The following COL21A1 variants were observed in gnomAD, a reference collection of about 807,000 sequenced individuals.
The protein encoded by COL21A1 is collagen type XXI alpha 1 chain.
A neutral mutation model predicts 137.9 loss-of-function variants in COL21A1; 149 were observed. The ratio of observed to expected loss-of-function variants is 1.08; its 90% CI spans 0.95 to 1.24. The LOEUF (loss-of-function observed/expected upper bound fraction) is 1.24. COL21A1 is among the 50% of genes most tolerant of loss of function. The probability of loss-of-function intolerance (pLI) is 0.00; values close to 1 mark genes in which losing one functional copy is unlikely to be tolerated. For missense variants in COL21A1, 1,167 were observed against 1,158.4 expected, an observed-to-expected ratio of 1.01 and a Z score of -0.11; for synonymous variants, 456 against 391.5, an observed-to-expected ratio of 1.16 and a Z score of -1.95.
chr6:56,381,273 C>T (rs2094008234), intron 1 of COL21A1, among the ~76,000 whole-genome samples: 1 of 151,792 alleles, frequency 6.6e-6, no homozygotes, highest in African/African-American at 2.4e-5. Context: ...TACTATATGC[C>T]TCTGGTTGTT....
Position 56,179,599 on chromosome 6 carries a change from T to A in COL21A1, c.619A>T (p.Met207Leu), listed in dbSNP as rs762048646. ...YIAISKIREV[M>L]KQKLCEESVC... Reference sequence around the variant, plus strand: ...TTACCTTCACAAAGTTTCTGCTTCATCACTTCCCTTATTTTGGATATTGCA... The same window carrying A: ...TTACCTTCACAAAGTTTCTGCTTCAACACTTCCCTTATTTTGGATATTGCA... Residue 207 changes from methionine to leucine, a missense_variant, in exon 3 of 30, where the codon ATG (methionine) becomes TTG (leucine). By Grantham distance (15) the Met-to-Leu change is conservative. Transcript: ENST00000244728. 6.2e-7 allele frequency: 1 copy of A among 1,610,238 alleles called. No individual in the cohort carries two copies.
intron 1 of COL21A1, among the ~76,000 whole-genome samples, chr6:56,315,783 A>G (rs931340041): frequency 6.7e-6 from 1 of 149,706 alleles, no homozygotes; most frequent in Admixed American, 6.7e-5. Context: ...ATTCCCCATG[A>G]AAAGGAACTT....
intron 1 of COL21A1, among the ~76,000 whole-genome samples, chr6:56,340,034 C>A (rs1053525177): frequency 7.5e-6 from 1 of 134,138 alleles, no homozygotes; most frequent in South Asian, 2.9e-4. Flanking sequence ...AATATCCTAG[C>A]ACTGGATAAT....
At chr6:56,152,531 A>C (rs2152252062) in intron 10 of COL21A1, among the ~76,000 whole-genome samples, 1 of 152,304 alleles carries the variant, frequency 6.6e-6, no homozygotes, top group Admixed American at 6.5e-5. Flanking sequence ...AATCATACAC[A>C]CAGACACCAA....
At chr6:56,219,216 C>CAAAAAAAAAAAAA (rs386407160) in intron 1 of COL21A1, among the ~76,000 whole-genome samples, 2 of 76,482 alleles carry the variant, frequency 2.6e-5, no homozygotes, top group African/African-American at 1.1e-4. Flanking sequence ...AAACTTGCAC[C>CAAAAAAAAAAAAA]AAAAAAAAAA....
chr6:56,161,672 G>A (rs1176271307), intron 9 of COL21A1, among the ~76,000 whole-genome samples: 1 of 151,988 alleles, frequency 6.6e-6, no homozygotes, highest in Non-Finnish European at 1.5e-5. Context: ...TTATCATTAG[G>A]GATAAAAAAT....
intron 1 of COL21A1, among the ~76,000 whole-genome samples, chr6:56,377,929 G>C (rs781080881): frequency 4.6e-5 from 7 of 152,124 alleles, no homozygotes; most frequent in Middle Eastern, 3.2e-3. Flanking sequence ...TCCCGTTCCA[G>C]GCCCTAGCTC....
intron 1 of COL21A1, among the ~76,000 whole-genome samples, chr6:56,364,912 A>T (rs1252202710): frequency 6.6e-6 from 1 of 152,104 alleles, no homozygotes; most frequent in Non-Finnish European, 1.5e-5. Context: ...TTTTGGTTCC[A>T]TTTTTGTTTC....
intron 9 of COL21A1, among the ~76,000 whole-genome samples, chr6:56,162,491 T>C (rs1776266254): frequency 6.6e-6 from 1 of 152,154 alleles, no homozygotes; most frequent in Non-Finnish European, 1.5e-5. Context: ...GTGTAGAAAG[T>C]ACATGAGTAA....
At position 56,104,757 on chromosome 6, in the gene COL21A1, G is replaced by A. The variant is rs569434283; in HGVS notation, c.1759-3232C>T. Among the ~76,000 whole-genome samples, 3 of 152,080 alleles carry A rather than the reference G, an allele frequency of 2.0e-5. No homozygotes were observed. In the South Asian group the frequency reaches 6.2e-4, roughly 32 times the overall value. On this transcript the variant is annotated intron_variant, in intron 16 of 29. Coordinates refer to ENST00000244728, the MANE Select transcript of COL21A1 (RefSeq NM_030820.4). ...TCAAAAATGATTTATTCCACAACAAGACAGTTCTTTAAAAAAAAGGAAATT... is the reference window on the plus strand; with the variant it reads ...TCAAAAATGATTTATTCCACAACAAAACAGTTCTTTAAAAAAAAGGAAATT...
intron 1 of COL21A1, among the ~76,000 whole-genome samples, chr6:56,354,550 T>C (rs184265190): frequency 2.6e-5 from 4 of 152,148 alleles, no homozygotes; most frequent in East Asian, 1.9e-4. Context: ...TGGCCACAGA[T>C]AGAAGAATTT....
At chr6:56,124,322 A>G (rs1205053167) in intron 14 of COL21A1, 30 bp from the exon 15 acceptor site, 10 of 1,571,080 alleles carry the variant, frequency 6.4e-6, no homozygotes, top group East Asian at 2.3e-5. Context: ...TTAAAACACA[A>G]TCTTTACAAT....
chr6:56,225,763 C>CA (rs1279542121), intron 1 of COL21A1: 1 of 151,646 alleles, frequency 6.6e-6, no homozygotes, highest in Non-Finnish European at 1.5e-5. Context: ...ATTACGGGAA[C>CA]AAAAAAGAGT....
At position 56,077,524 on chromosome 6, in the gene COL21A1, C is replaced by T. The variant is rs1308983128; in HGVS notation, c.1857+5G>A. On this transcript the variant is annotated splice_donor_5th_base_variant and intron_variant, in intron 18 of 29. Transcript: ENST00000244728. Reference sequence around the variant, plus strand: ...GGCCCAAAGCTAACTCTCATGAATACTTACCTTTTGGCCCATTAATCCTCG... The same window carrying T: ...GGCCCAAAGCTAACTCTCATGAATATTTACCTTTTGGCCCATTAATCCTCG... The T allele has an allele frequency of 6.4e-7, 1 of 1,570,924 alleles. No individual in the cohort carries two copies. The highest frequency in any genetic ancestry group is 8.7e-7 in the Non-Finnish European group (1 of 1,154,882).
intron 1 of COL21A1, among the ~76,000 whole-genome samples, chr6:56,188,703 G>A (rs140654987): frequency 6.4e-4 from 98 of 152,292 alleles, no homozygotes; most frequent in African/African-American, 2.3e-3. Context: ...AGTAGGGACC[G>A]ACAGACACCT....
At chr6:56,239,226 G>A (rs959226080) in intron 1 of COL21A1, among the ~76,000 whole-genome samples, 53 of 152,008 alleles carry the variant, frequency 3.5e-4, no homozygotes, top group African/African-American at 1.3e-3. Flanking sequence ...TAGTGTCTAA[G>A]TACATCTGGC....
chr6:56,353,734 C>G (rs1023918966), intron 1 of COL21A1, among the ~76,000 whole-genome samples: 1 of 151,792 alleles, frequency 6.6e-6, no homozygotes, highest in Non-Finnish European at 1.5e-5. Context: ...CCTAAGAATG[C>G]CAATAGAATA....
intron 27 of COL21A1, chr6:56,060,460 G>A: frequency 2.0e-6 from 1 of 501,498 alleles, no homozygotes; most frequent in South Asian, 3.5e-5. Flanking sequence ...AAAAGAAATT[G>A]GTGGACTATA....
At position 56,077,590 on chromosome 6, in the gene COL21A1, T is replaced by C. The variant is rs766192130; in HGVS notation, c.1813-17A>G. ...TGGGATTCCCTAAAAACAAATAAAA[T>C]AGATTTTTAACTTATAAAAAATTGA... On this transcript the variant is annotated splice_polypyrimidine_tract_variant and intron_variant, in intron 17 of 29. Transcript: ENST00000244728. 8 of 1,500,662 alleles carry C rather than the reference T, an allele frequency of 5.3e-6. No individual in the cohort carries two copies. In the South Asian group the frequency reaches 1.0e-4, roughly 19 times the overall value. 93.0% of individuals were successfully genotyped at this position (1,500,662 alleles called of 1,614,324 possible).
Sources: allele counts gnomAD v4.1 joint callset (sites outside exome capture counted in the v4.1 genomes callset), GRCh38; gene constraint gnomAD v4.1.1; transcripts MANE v1.5; gene names NCBI Gene and HGNC (gene_info 2026-07-23, HGNC 2026-07-21).